The following VPS13B variants were observed in gnomAD, a reference collection of about 807,000 sequenced individuals.
The protein encoded by VPS13B is intermembrane lipid transfer protein VPS13B.
In VPS13B, 285 loss-of-function variants were observed where a neutral mutation model predicts 426.4. That is an observed-to-expected ratio of 0.67 (90% confidence interval 0.61 to 0.74). VPS13B has a LOEUF of 0.74. Among genes scored for constraint, VPS13B ranks in the 30% least tolerant of loss-of-function variants. The pLI is 0.00. For missense variants in VPS13B, 4,537 were observed against 4,782.6 expected (o/e 0.95, Z 1.51); for synonymous variants, 1,676 against 1,676.4 (o/e 1.00, Z 0.01).
At chr8:99,134,461 A>G (rs1397741198) in intron 8 of VPS13B, among the ~76,000 whole-genome samples, 171 bp from the exon 9 acceptor site, 1 of 152,126 alleles carries the variant, frequency 6.6e-6, no homozygotes, top group Non-Finnish European at 1.5e-5. Flanking sequence ...TTCAACCTTT[A>G]TACCATGGAT....
Position 99,135,068 on chromosome 8 carries a change from C to T in VPS13B, c.1356C>T (p.Cys452=). The T allele has an allele frequency of 6.2e-7, 1 of 1,613,484 alleles. No individual in the cohort carries two copies. The highest frequency in any genetic ancestry group is 8.5e-7 in the Non-Finnish European group (1 of 1,179,624). ...ATTGCCAGATTGGGTTTGTTGGTTGCAGAGCCATGTGCCTTAAAGGAATTA... is the reference window on the plus strand; with the variant it reads ...ATTGCCAGATTGGGTTTGTTGGTTGTAGAGCCATGTGCCTTAAAGGAATTA... ...FFDCQIGFVG[C]RAMCLKGIMG... is the part of the protein sequence containing the mutation. Residue 452 remains cysteine, a synonymous_variant, in exon 10 of 62, where the codon TGC becomes TGT. Coordinates refer to ENST00000357162, the MANE Select transcript of VPS13B (RefSeq NM_152564.5).
At chr8:99,585,979 C>T (rs1382073865) in intron 33 of VPS13B, among the ~76,000 whole-genome samples, 1 of 152,176 alleles carries the variant, frequency 6.6e-6, no homozygotes, top group East Asian at 1.9e-4. Context: ...GATTCATTAT[C>T]ATTCATTAGC....
At chr8:99,346,913 T>C (rs1588276513) in intron 19 of VPS13B, 1 of 152,654 alleles carries the variant, frequency 6.6e-6, no homozygotes, top group Non-Finnish European at 1.5e-5. Flanking sequence ...AGGGACATGA[T>C]GAAGGCTTGG....
chr8:99,501,211 T>A (rs996899927), intron 25 of VPS13B, among the ~76,000 whole-genome samples: 2 of 152,346 alleles, frequency 1.3e-5, no homozygotes, highest in Non-Finnish European at 2.9e-5. Context: ...AGACAAATAT[T>A]TTTCTGTAAA....
chr8:99,744,834 G>C (rs372999294), intron 39 of VPS13B, among the ~76,000 whole-genome samples: 1 of 151,548 alleles, frequency 6.6e-6, no homozygotes, highest in Non-Finnish European at 1.5e-5. Flanking sequence ...GTGGGGGGAA[G>C]GGGGAGGGAT....
At chr8:99,463,044 C>A (rs1325436814) in intron 23 of VPS13B, among the ~76,000 whole-genome samples, 1 of 152,018 alleles carries the variant, frequency 6.6e-6, no homozygotes, top group Admixed American at 6.6e-5. Context: ...CTGATGTTAC[C>A]GATAGGATCT....
intron 5 of VPS13B, among the ~76,000 whole-genome samples, chr8:99,106,366 C>T (rs545391247): frequency 3.1e-5 from 4 of 130,666 alleles, no homozygotes; most frequent in Non-Finnish European, 4.7e-5. Context: ...ACCCAGGAGG[C>T]GGAGGCTGCA....
At chr8:99,427,327 T>C (rs1816775403) in intron 21 of VPS13B, among the ~76,000 whole-genome samples, 1 of 123,166 alleles carries the variant, frequency 8.1e-6, no homozygotes, top group Non-Finnish European at 1.7e-5. Flanking sequence ...CCTTGTAGTA[T>C]AGTTTGAAGT....
At chr8:99,097,380 A>C (rs1208533805) in intron 4 of VPS13B, among the ~76,000 whole-genome samples, 2 of 152,138 alleles carry the variant, frequency 1.3e-5, no homozygotes, top group African/African-American at 4.8e-5. Flanking sequence ...CAGGCTGTTT[A>C]TTTCCCTAAA....
chr8:99,015,345 T>C (rs1841557426), intron 2 of VPS13B, among the ~76,000 whole-genome samples: 1 of 150,782 alleles, frequency 6.6e-6, no homozygotes, highest in Non-Finnish European at 1.5e-5. Flanking sequence ...GCCTCCTGAG[T>C]AGTTGGGATT....
intron 31 of VPS13B, among the ~76,000 whole-genome samples, chr8:99,570,040 C>T (rs1374987028): frequency 2.6e-5 from 4 of 152,166 alleles, no homozygotes; most frequent in Middle Eastern, 3.4e-3. Flanking sequence ...AGTACATCAG[C>T]GAATTATTGA....
rs1829596429 is a variant in VPS13B at position 99,646,783 on chromosome 8, T to C, written c.5908+4285T>C. Among the ~76,000 whole-genome samples the C allele has an allele frequency of 2.0e-5, 3 of 152,082 alleles. No individual in the cohort carries two copies. In the South Asian group the frequency reaches 6.2e-4, roughly 32 times the overall value. ...TCTTGCTCTGGGTTCATGAAAGTTG[T>C]GGTTGTTTAAAGAATGTGGCGCCTC... On this transcript the variant is annotated intron_variant, in intron 34 of 61. Transcript: ENST00000357162.
intron 43 of VPS13B, chr8:99,797,071 G>A (rs992352769): frequency 6.6e-6 from 1 of 152,284 alleles, no homozygotes; most frequent in East Asian, 1.9e-4. Flanking sequence ...TCCTCCTTGA[G>A]ATAGGAGGGA....
chr8:99,724,695 T>C (rs1833264100), intron 39 of VPS13B, among the ~76,000 whole-genome samples: 1 of 152,072 alleles, frequency 6.6e-6, no homozygotes, highest in South Asian at 2.1e-4. Flanking sequence ...GCTTGTTTCC[T>C]CCCCTCCGCT....
chr8:99,213,563 G>C lies in VPS13B; in HGVS notation c.2515+20506G>C, dbSNP rs182011169. On this transcript the variant is annotated intron_variant, in intron 17 of 61. Transcript: ENST00000357162. Reference sequence around the variant, plus strand: ...ATTTCTCTAAGAGCCTGCTTTGATAGTCCATACATACTTTTCTCTTCTCTG... The same window carrying C: ...ATTTCTCTAAGAGCCTGCTTTGATACTCCATACATACTTTTCTCTTCTCTG... 5.9e-5 allele frequency among the ~76,000 whole-genome samples: 9 copies of C among 152,232 alleles called. No individual in the cohort carries two copies. In the East Asian group the frequency reaches 7.7e-4, roughly 13 times the overall value.
At chr8:99,468,776 A>G (rs1191466486) in intron 24 of VPS13B, among the ~76,000 whole-genome samples, 1 of 152,200 alleles carries the variant, frequency 6.6e-6, no homozygotes, top group East Asian at 1.9e-4. Flanking sequence ...AGTATTAATC[A>G]TAAATGTTAA....
intron 28 of VPS13B, among the ~76,000 whole-genome samples, chr8:99,509,556 A>C (rs1821677098): frequency 6.6e-6 from 1 of 152,196 alleles, no homozygotes; most frequent in African/African-American, 2.4e-5. Context: ...TAGGCAACAA[A>C]ATGAGAGGAA....
At chr8:99,096,494 GC>G in intron 4 of VPS13B, 62 bp downstream of exon 4, 1 of 1,604,850 alleles carries the variant, frequency 6.2e-7, no homozygotes, top group African/African-American at 1.3e-5. Flanking sequence ...GGTGGCTCAT[GC>G]CTGTAATCCC....
At chr8:99,775,827 G>A (rs189109258) in intron 40 of VPS13B, among the ~76,000 whole-genome samples, 4 of 152,270 alleles carry the variant, frequency 2.6e-5, no homozygotes, top group Non-Finnish European at 4.4e-5. Flanking sequence ...GAACCTGGGA[G>A]GCAGAGATTG....
Sources: gnomAD v4.1 joint callset for allele counts (sites outside exome capture counted in the v4.1 genomes callset) on GRCh38, gnomAD v4.1.1 for gene constraint, MANE v1.5 for transcripts, NCBI Gene and HGNC (gene_info 2026-07-23, HGNC 2026-07-21) for gene names.